Variants in TMEM161B observed in about 807,000 individuals in gnomAD.
The protein encoded by TMEM161B is transmembrane protein 161B.
TMEM161B carries 34 observed loss-of-function variants against 61.8 expected under a neutral mutation model. That is an observed-to-expected ratio of 0.55 (90% CI 0.42 to 0.73). The LOEUF is 0.73. TMEM161B is among the 30% of genes least tolerant of loss of function. The pLI is 0.00. For missense variants in TMEM161B, 456 were observed against 558.5 expected (o/e 0.82, Z 1.85); for synonymous variants, 167 against 192.8 (o/e 0.87, Z 1.11).
chr5:88,259,970 C>T (rs577984777), intron 1 of TMEM161B, among the ~76,000 whole-genome samples: 1 of 152,282 alleles, frequency 6.6e-6, no homozygotes, highest in Non-Finnish European at 1.5e-5. Flanking sequence ...ATTCTGTCAT[C>T]TCTAGCTGTG....
intron 1 of TMEM161B, among the ~76,000 whole-genome samples, chr5:88,255,236 A>G (rs1754815923): frequency 6.6e-6 from 1 of 152,174 alleles, no homozygotes; most frequent in Non-Finnish European, 1.5e-5. Context: ...ATTCTCCCAT[A>G]TAATGCCAAA....
At chr5:88,225,203 A>C (rs540060575) in intron 4 of TMEM161B, among the ~76,000 whole-genome samples, 2 of 151,938 alleles carry the variant, frequency 1.3e-5, no homozygotes, top group East Asian at 1.9e-4. Flanking sequence ...TCCTGACCTC[A>C]TGATCCGCCC....
downstream of TMEM161B, among the ~76,000 whole-genome samples, chr5:88,191,986 A>AAG (rs1748956368): frequency 2.7e-4 from 1 of 3,716 alleles, no homozygotes; most frequent in Non-Finnish European, 7.3e-4. Flanking sequence ...AAAAGTGTAT[A>AAG]TATATATATA....
downstream of TMEM161B, chr5:88,190,267 G>A (rs143093801): frequency 2.1e-3 from 1,480 of 700,606 alleles, 20 homozygotes; most frequent in African/African-American, 0.021. Flanking sequence ...TTATGCTGTC[G>A]GCAGGTAACA....
At position 88,224,959 on chromosome 5, in the gene TMEM161B, GTTTTTGTTTTT is replaced by G. The variant is rs903745240; in HGVS notation, c.289+799_289+809del. ...ATAATACACATAACACACAAAATAT[GTTTTTGTTTTT>G]TTTTTTTTTTTTTTTGAGACGGAGT... is the stretch of plus-strand genomic sequence containing the variant. On this transcript the variant is annotated intron_variant, in intron 4 of 11. Coordinates refer to ENST00000296595, the MANE Select transcript of TMEM161B (RefSeq NM_153354.5). 6.9e-5 allele frequency among the ~76,000 whole-genome samples: 7 copies of G among 101,218 alleles called. 1 individual carries two copies. The highest frequency in any genetic ancestry group is 5.1e-4 in the Admixed American group (4 of 7,844). 66.4% of individuals were successfully genotyped at this position (101,218 alleles called of 152,430 possible).
intron 3 of TMEM161B, among the ~76,000 whole-genome samples, chr5:88,227,340 T>C (rs1328031658): frequency 2.0e-5 from 3 of 152,232 alleles, no homozygotes; most frequent in Admixed American, 6.5e-5. Context: ...GGGCAACTCA[T>C]TTAACATCTC....
chr5:88,239,730 T>C (rs529952857), intron 2 of TMEM161B, among the ~76,000 whole-genome samples: 3 of 152,072 alleles, frequency 2.0e-5, no homozygotes, highest in East Asian at 1.9e-4. Context: ...ATGGAAAAAG[T>C]AGAAAGCACA....
intron 2 of TMEM161B, among the ~76,000 whole-genome samples, chr5:88,232,285 G>C (rs1406156961): frequency 3.3e-5 from 5 of 152,108 alleles, no homozygotes; most frequent in Admixed American, 3.3e-4. Context: ...CCCTGTCTAT[G>C]TCCATGAATG....
intron 3 of TMEM161B, among the ~76,000 whole-genome samples, chr5:88,227,464 G>A (rs1399347158): frequency 6.6e-6 from 1 of 152,032 alleles, no homozygotes; most frequent in East Asian, 1.9e-4. Flanking sequence ...ATGTTAGGCA[G>A]GACTATTTTA....
In TMEM161B at chr5:88,220,708, AGTAATGCAATGCTGGAAAG is replaced by A; in HGVS notation, c.290-8_300del. ...TCCACCAGCCACTGGTATTCTGGAA[AGTAATGCAATGCTGGAAAG>A]AAAAAAAAAAAAAAAAAAAAAAAAG... On this transcript the variant is annotated splice_acceptor_variant and splice_polypyrimidine_tract_variant and coding_sequence_variant and intron_variant, in exon 5 of 12. Coordinates refer to ENST00000296595, the MANE Select transcript of TMEM161B (RefSeq NM_153354.5). LOFTEE classifies it high-confidence loss of function. The A allele has an allele frequency of 9.9e-7, 1 of 1,006,906 alleles. No individual in the cohort carries two copies. 62.4% of individuals were successfully genotyped at this position (1,006,906 alleles called of 1,614,324 possible).
rs1749524706 is a variant in TMEM161B at position 88,195,780 on chromosome 5, C to T, written c.*431G>A. On this transcript the variant is annotated 3_prime_UTR_variant, in exon 12 of 12. Coordinates refer to ENST00000296595, the MANE Select transcript of TMEM161B (RefSeq NM_153354.5). ...CAACAGAAGAGACTTTAGCCCCTTT[C>T]CCTCCCCTAAAGCATGGCTCAGTTT... is the stretch of plus-strand genomic sequence containing the variant. 1.0e-6 allele frequency: 1 copy of T among 988,564 alleles called. No individual in the cohort carries two copies. The highest frequency in any genetic ancestry group is 1.2e-6 in the Non-Finnish European group (1 of 832,038). 61.2% of individuals were successfully genotyped at this position (988,564 alleles called of 1,614,324 possible). A position where few individuals can be genotyped will look rare whatever the true frequency, so the allele number is the denominator to read the frequency against.
chr5:88,259,516 C>T (rs40312), intron 1 of TMEM161B, among the ~76,000 whole-genome samples: 3,178 of 152,272 alleles, frequency 0.021, 52 homozygotes, highest in Non-Finnish European at 0.03. Flanking sequence ...CACAACTCAT[C>T]CCCAATTTCT....
chr5:88,207,431 C>T (rs1745734620), intron 5 of TMEM161B, among the ~76,000 whole-genome samples: 1 of 152,102 alleles, frequency 6.6e-6, no homozygotes, highest in African/African-American at 2.4e-5. Context: ...TTCTCAGTGA[C>T]ATGAAAAGCC....
At chr5:88,240,741 A>G (rs1347193165) in intron 2 of TMEM161B, 72 bp downstream of exon 2, 2 of 1,146,198 alleles carry the variant, frequency 1.7e-6, no homozygotes, top group East Asian at 2.4e-5. Context: ...AGAAACAGTA[A>G]CTAGGAATTT....
downstream of TMEM161B, among the ~76,000 whole-genome samples, chr5:88,186,830 G>A (rs535435077): frequency 1.2e-4 from 19 of 152,090 alleles, no homozygotes; most frequent in African/African-American, 3.9e-4. Flanking sequence ...TTGAACCCAG[G>A]AGGCAGAGGT....
Position 88,250,209 on chromosome 5 carries a change from G to GAGAGAC in TMEM161B, c.4-9299_4-9294dup, listed in dbSNP as rs561097529. ...AGAGAGAGAAAGAGAGAGAGAGAGA[G>GAGAGAC]AGAGACCGAGACCAGAAGCCTGGCT... On this transcript the variant is annotated intron_variant, in intron 1 of 11. Coordinates refer to ENST00000296595, the MANE Select transcript of TMEM161B (RefSeq NM_153354.5). Among the ~76,000 whole-genome samples the GAGAGAC allele has an allele frequency of 4.6e-3, 696 of 152,096 alleles. 9 individuals are homozygous for GAGAGAC. Among genetic ancestry groups the GAGAGAC allele is most frequent in the African/African-American group, 0.016 (669 of 41,520 alleles).
chr5:88,256,459 G>A (rs1437350753), intron 1 of TMEM161B, among the ~76,000 whole-genome samples: 4 of 152,156 alleles, frequency 2.6e-5, no homozygotes, highest in African/African-American at 4.8e-5. Context: ...TGTATTCAAA[G>A]AAGTCATTAG....
chr5:88,192,022 A>ATATATG (rs202017425), downstream of TMEM161B, among the ~76,000 whole-genome samples: 1 of 75,288 alleles, frequency 1.3e-5, no homozygotes, highest in African/African-American at 4.9e-5. Context: ...ATATATATAT[A>ATATATG]TATATGTATA....
intron 5 of TMEM161B, among the ~76,000 whole-genome samples, chr5:88,217,416 G>C (rs929755592): frequency 1.3e-5 from 2 of 152,122 alleles, no homozygotes; most frequent in Admixed American, 6.5e-5. Flanking sequence ...AGACTCAACA[G>C]AATGAGGAAC....
Sources: gnomAD v4.1 joint callset for allele counts (sites outside exome capture counted in the v4.1 genomes callset) on GRCh38, gnomAD v4.1.1 for gene constraint, MANE v1.5 for transcripts, NCBI Gene and HGNC (gene_info 2026-07-23, HGNC 2026-07-21) for gene names.